HS6ST2: variants seen among roughly 807,000 people sequenced by gnomAD.
HS6ST2 encodes the protein heparan-sulfate 6-O-sulfotransferase 2.
Under a neutral mutation model 33.0 loss-of-function variants are expected in HS6ST2, and 17 were observed. The observed-to-expected ratio is 0.52, with a 90% confidence interval of 0.35 to 0.77. The LOEUF is 0.77. HS6ST2 is among the 30% of genes least tolerant of loss of function. The probability of loss-of-function intolerance (pLI) is 0.01; values close to 1 mark genes in which losing one functional copy is unlikely to be tolerated. For missense variants in HS6ST2, 519 were observed against 551.7 expected (o/e 0.94, Z 0.59); for synonymous variants, 248 against 237.1 (o/e 1.05, Z -0.42).
At chrX:132,729,138 C>T (rs993559310) in intron 2 of HS6ST2, among the ~76,000 whole-genome samples, 1 of 112,612 alleles carries the variant, frequency 8.9e-6, no homozygotes, top group African/African-American at 3.2e-5. Context: ...CAAGAGTTTG[C>T]ATCCTTAGGG....
chrX:132,740,260 T>G (rs1414168101), intron 2 of HS6ST2, among the ~76,000 whole-genome samples: 1 of 112,734 alleles, frequency 8.9e-6, no homozygotes, highest in African/African-American at 3.2e-5. Context: ...TGAAGTTGAT[T>G]TTTTGCCTTT....
intron 3 of HS6ST2, among the ~76,000 whole-genome samples, chrX:132,694,968 G>A (rs753645564): frequency 2.5e-4 from 28 of 111,148 alleles, no homozygotes; most frequent in Non-Finnish European, 3.6e-4. Flanking sequence ...TCTGGGGGCA[G>A]GTGAAGTTTG....
chrX:132,864,216 C>T (rs1011965825), intron 2 of HS6ST2, among the ~76,000 whole-genome samples: 6 of 109,533 alleles, frequency 5.5e-5, no homozygotes, highest in African/African-American at 1.7e-4. Context: ...CACAACTCCT[C>T]GCGAGCAAGG....
intron 2 of HS6ST2, among the ~76,000 whole-genome samples, chrX:132,841,310 T>G (rs1242768626): frequency 9.0e-6 from 1 of 111,480 alleles, no homozygotes; most frequent in African/African-American, 3.3e-5. Context: ...GCTTAGTTGC[T>G]GCATCCTTGG....
chrX:132,864,867 G>A lies in HS6ST2; in HGVS notation c.947+91941C>T, dbSNP rs940711360. On this transcript the variant is annotated intron_variant, in intron 2 of 4. Coordinates refer to ENST00000370833, the MANE Select transcript of HS6ST2 (RefSeq NM_001394073.1). ...TTAAGGGCAGCCAGAAAGAAAGGTCGCGTTACCCATCAACGGAAGCCCATC... is the reference window on the plus strand; with the variant it reads ...TTAAGGGCAGCCAGAAAGAAAGGTCACGTTACCCATCAACGGAAGCCCATC... 2.0e-4 allele frequency among the ~76,000 whole-genome samples: 22 copies of A among 111,422 alleles called. No homozygotes were observed. The East Asian group carries it at 3.1e-3, about 16-fold the overall frequency.
chrX:132,694,560 T>C (rs973261789), intron 3 of HS6ST2, among the ~76,000 whole-genome samples: 1 of 110,903 alleles, frequency 9.0e-6, no homozygotes, highest in African/African-American at 3.3e-5. Flanking sequence ...TTGAAGGAGA[T>C]GGAGAGCCAC....
chrX:132,790,523 C>T (rs925478083), intron 2 of HS6ST2, among the ~76,000 whole-genome samples: 1 of 111,548 alleles, frequency 9.0e-6, no homozygotes, highest in Non-Finnish European at 1.9e-5. Flanking sequence ...TAAGATATGC[C>T]TGTATTCAAA....
chrX:132,838,965 G>A (rs1173068094), intron 2 of HS6ST2, among the ~76,000 whole-genome samples: 6 of 88,191 alleles, frequency 6.8e-5, no homozygotes, highest in African/African-American at 2.3e-4. Flanking sequence ...TTAAAAAGTC[G>A]GAAAAAAAAA....
chrX:132,637,235 G>A (rs904440550), intron 4 of HS6ST2, among the ~76,000 whole-genome samples: 4 of 112,113 alleles, frequency 3.6e-5, no homozygotes, highest in African/African-American at 1.3e-4. Flanking sequence ...TTGCCAATCT[G>A]CATTTTGGGA....
chrX:132,651,150 A>G (rs1341279900), intron 4 of HS6ST2, among the ~76,000 whole-genome samples: 1 of 112,111 alleles, frequency 8.9e-6, no homozygotes, highest in African/African-American at 3.2e-5. Context: ...TAGAACAACT[A>G]ACATATGTAT....
chrX:132,664,164 C>A (rs1220641441), intron 4 of HS6ST2, among the ~76,000 whole-genome samples: 1 of 111,536 alleles, frequency 9.0e-6, no homozygotes, highest in Admixed American at 9.5e-5. Context: ...GCGTGTGCCA[C>A]CATGCCCAGC....
At chrX:132,756,926 G>A (rs1185772385) in intron 2 of HS6ST2, among the ~76,000 whole-genome samples, 1 of 109,425 alleles carries the variant, frequency 9.1e-6, no homozygotes, top group Non-Finnish European at 1.9e-5. Context: ...ACAAGAACAA[G>A]GCTGATCTCA....
intron 2 of HS6ST2, among the ~76,000 whole-genome samples, chrX:132,901,529 G>A (rs2066426010): frequency 9.0e-6 from 1 of 111,038 alleles, no homozygotes; most frequent in South Asian, 4.0e-4. Context: ...ATCCACCATA[G>A]TAAAAGCAGG....
chrX:132,776,426 G>A (rs1345124176), intron 2 of HS6ST2, among the ~76,000 whole-genome samples: 2 of 112,023 alleles, frequency 1.8e-5, no homozygotes, highest in Non-Finnish European at 3.8e-5. Context: ...AAACAAATCT[G>A]CAGAATCTAC....
intron 2 of HS6ST2, among the ~76,000 whole-genome samples, chrX:132,860,086 T>C (rs2065896248): frequency 8.9e-6 from 1 of 111,906 alleles, no homozygotes; most frequent in South Asian, 3.7e-4. Context: ...ACAGTAGCTC[T>C]GTATCAGGCA....
intron 2 of HS6ST2, among the ~76,000 whole-genome samples, chrX:132,920,726 T>C (rs1195220451): frequency 8.9e-6 from 1 of 112,863 alleles, no homozygotes; most frequent in Non-Finnish European, 1.9e-5. Flanking sequence ...ACTTTTGGCA[T>C]GTTGGATGCC....
intron 4 of HS6ST2, among the ~76,000 whole-genome samples, chrX:132,646,740 C>T (rs2063647381): frequency 9.1e-6 from 1 of 110,274 alleles, no homozygotes; most frequent in Non-Finnish European, 1.9e-5. Flanking sequence ...AGTCCATTCC[C>T]ATGCTGCTGA....
chrX:132,744,665 G>A (rs1221746914), intron 2 of HS6ST2, among the ~76,000 whole-genome samples: 2 of 111,395 alleles, frequency 1.8e-5, no homozygotes. Context: ...CTATTGATCT[G>A]TTTGGCTGCA....
chrX:132,956,830 C>G lies in HS6ST2; in HGVS notation c.925G>C (p.Asp309His). 8.5e-7 allele frequency: 1 copy of G among 1,175,950 alleles called. No homozygotes were observed. The highest frequency in any genetic ancestry group is 2.5e-5 in the Admixed American group (1 of 40,602). Residue 309 changes from aspartate to histidine, a missense_variant, in exon 2 of 5, where the codon GAC becomes CAC. Transcript: ENST00000370833. Reference protein sequence around the residue: ...CVPSVVDGKRDARLRPSRWRI... With the variant: ...CVPSVVDGKRHARLRPSRWRI... ...CACCTGGACGGTCTCAGCCTGGCGT[C>G]GCGCTTGCCGTCCACCACGGAGGGC...
Sources: gnomAD v4.1 joint callset for allele counts (sites outside exome capture counted in the v4.1 genomes callset) on GRCh38, gnomAD v4.1.1 for gene constraint, MANE v1.5 for transcripts, NCBI Gene and HGNC (gene_info 2026-07-23, HGNC 2026-07-21) for gene names.